The following MTA3 variants were observed in gnomAD, a reference collection of about 807,000 sequenced individuals.
MTA3 encodes the protein metastasis associated 1 family member 3, also known as metastasis-associated protein MTA3.
In MTA3, 34 loss-of-function variants were observed where a neutral mutation model predicts 83.5. The observed-to-expected ratio is 0.41, with a 90% CI of 0.31 to 0.54. The LOEUF is 0.54. Ranked by LOEUF, MTA3 falls within the 20% of genes least tolerant of loss-of-function variation. MTA3 has a pLI of 0.33. For synonymous variants in MTA3, 303 were observed against 252.7 expected (o/e 1.20, Z -1.89); for missense variants, 761 against 726.4 (o/e 1.05, Z -0.55).
chr2:42,669,957 G>A (rs1281679094), intron 8 of MTA3, among the ~76,000 whole-genome samples: 1 of 152,158 alleles, frequency 6.6e-6, no homozygotes, highest in Non-Finnish European at 1.5e-5. Flanking sequence ...TTAGTGGAAG[G>A]CTTGTGGTTA....
rs537937305 is a variant in MTA3, at chr2:42,702,116, C to G, written c.1026-2078C>G. 2.6e-5 allele frequency among the ~76,000 whole-genome samples: 4 copies of G among 152,086 alleles called. No individual in the cohort carries two copies. The East Asian group carries it at 7.7e-4, about 29-fold the overall frequency. On this transcript the variant is annotated intron_variant, in intron 11 of 16. Coordinates refer to ENST00000405094, the MANE Select transcript of MTA3 (RefSeq NM_001330442.2). ...ATCCCAGCTCCTCAGGAGGCTGAGG[C>G]AGGAGAATCGCTTGAACCTGGGAGG...
At chr2:42,742,955 T>G (rs945215839) in intron 16 of MTA3, among the ~76,000 whole-genome samples, 2 of 152,196 alleles carry the variant, frequency 1.3e-5, no homozygotes, top group African/African-American at 4.8e-5. Context: ...AAAGAGGAAC[T>G]ACCCTTGGAT....
intron 3 of MTA3, among the ~76,000 whole-genome samples, chr2:42,591,302 T>A (rs1364393524): frequency 6.6e-6 from 1 of 152,226 alleles, no homozygotes; most frequent in Non-Finnish European, 1.5e-5. Context: ...TAAAAAGTGA[T>A]ACACCTGTGT....
chr2:42,502,993 A>G (rs1319791285), intron 2 of MTA3, among the ~76,000 whole-genome samples: 1 of 151,806 alleles, frequency 6.6e-6, no homozygotes, highest in Non-Finnish European at 1.5e-5. Context: ...AAACATTAAA[A>G]AAAAAGGAAA....
At chr2:42,498,197 T>C (rs566657547) in intron 2 of MTA3, among the ~76,000 whole-genome samples, 8 of 152,344 alleles carry the variant, frequency 5.3e-5, no homozygotes, top group African/African-American at 1.9e-4. Context: ...TTACATCAGT[T>C]TATTTCTCAG....
chr2:42,629,417 A>T (rs1686454209), intron 4 of MTA3, among the ~76,000 whole-genome samples: 1 of 151,992 alleles, frequency 6.6e-6, no homozygotes, highest in Non-Finnish European at 1.5e-5. Context: ...ACCACAGAAA[A>T]CTTATGACAT....
At chr2:42,652,980 G>T (rs1458410033) in intron 6 of MTA3, among the ~76,000 whole-genome samples, 1 of 152,112 alleles carries the variant, frequency 6.6e-6, no homozygotes, top group Non-Finnish European at 1.5e-5. Flanking sequence ...GCCTAGGAAA[G>T]GGCCTTTAGG....
intron 16 of MTA3, among the ~76,000 whole-genome samples, chr2:42,730,399 T>C (rs4953604): frequency 0.71 from 108,526 of 152,034 alleles, 39,770 homozygotes; most frequent in African/African-American, 0.88. Flanking sequence ...CTTGTATTCC[T>C]GGTTTTTTAA....
intron 2 of MTA3, 66 bp downstream of exon 2, chr2:42,570,570 T>A: frequency 1.0e-6 from 1 of 992,504 alleles, no homozygotes; most frequent in Non-Finnish European, 1.4e-6. Flanking sequence ...GGTAATTGGG[T>A]AAAGGGTGGC....
At chr2:42,576,813 C>G (rs775108163) in intron 2 of MTA3, among the ~76,000 whole-genome samples, 169 of 152,320 alleles carry the variant, frequency 1.1e-3, no homozygotes, top group Non-Finnish European at 2.2e-3. Flanking sequence ...AGGAGAATCG[C>G]TTGAACCCAT....
intron 8 of MTA3, among the ~76,000 whole-genome samples, chr2:42,662,963 T>C (rs1689868180): frequency 7.8e-6 from 1 of 127,600 alleles, no homozygotes; most frequent in African/African-American, 3.1e-5. Flanking sequence ...ATTCCTGACC[T>C]CGTGATCTGC....
chr2:42,520,239 CA>C (rs1380465670), intron 2 of MTA3, among the ~76,000 whole-genome samples: 1 of 152,124 alleles, frequency 6.6e-6, no homozygotes, highest in Non-Finnish European at 1.5e-5. Context: ...GTTTGTGTTC[CA>C]AACCCTGCAC....
chr2:42,602,452 A>G (rs1211373310), intron 3 of MTA3, among the ~76,000 whole-genome samples: 4 of 152,182 alleles, frequency 2.6e-5, no homozygotes, highest in Non-Finnish European at 1.5e-5. Context: ...GAAACTTGTC[A>G]CAGAAATTTT....
chr2:42,567,567 A>T (rs1313602766), upstream of MTA3, among the ~76,000 whole-genome samples: 1 of 151,998 alleles, frequency 6.6e-6, no homozygotes, highest in Non-Finnish European at 1.5e-5. Context: ...AATGTCTGGG[A>T]GTACTTTGGA....
intron 8 of MTA3, among the ~76,000 whole-genome samples, chr2:42,665,584 C>A (rs1341947526): frequency 1.3e-5 from 2 of 152,126 alleles, no homozygotes; most frequent in East Asian, 3.8e-4. Flanking sequence ...GGTCTGCACT[C>A]CCCTGGCTTG....
At chr2:42,617,667 T>A (rs1355494387) in intron 4 of MTA3, among the ~76,000 whole-genome samples, 1 of 151,890 alleles carries the variant, frequency 6.6e-6, no homozygotes. Flanking sequence ...TCTCAGCTAC[T>A]AGGGAGGCTG....
At chr2:42,698,326 CATT>C (rs1693568743) in intron 11 of MTA3, 1 of 151,144 alleles carries the variant, frequency 6.6e-6, no homozygotes, top group Non-Finnish European at 1.5e-5. Context: ...AGTGTTCTAT[CATT>C]ATTATCCTTT....
At chr2:42,592,574 A>G (rs1050581254) in intron 3 of MTA3, among the ~76,000 whole-genome samples, 4 of 152,086 alleles carry the variant, frequency 2.6e-5, no homozygotes, top group Non-Finnish European at 5.9e-5. Context: ...ACAGATGGAG[A>G]CCCTGTCTCA....
chr2:42,730,077 C>T (rs1488960796), intron 16 of MTA3, among the ~76,000 whole-genome samples: 2 of 152,118 alleles, frequency 1.3e-5, no homozygotes, highest in Non-Finnish European at 2.9e-5. Flanking sequence ...ATTTTGTATC[C>T]TGCAACTTTA....
Sources: allele counts gnomAD v4.1 joint callset (sites outside exome capture counted in the v4.1 genomes callset), GRCh38; gene constraint gnomAD v4.1.1; transcripts MANE v1.5; gene names NCBI Gene and HGNC (gene_info 2026-07-23, HGNC 2026-07-21).